Variants in TCF7L1 observed in about 807,000 individuals in gnomAD.
TCF7L1 encodes the protein transcription factor 7 like 1, also known as transcription factor 7-like 1.
A neutral mutation model predicts 63.7 loss-of-function variants in TCF7L1; 18 were observed. The ratio of observed to expected loss-of-function variants is 0.28; its 90% CI spans 0.20 to 0.42. The LOEUF is 0.42. Ranked by LOEUF, TCF7L1 falls within the 10% of genes least tolerant of loss-of-function variation. The pLI, the probability that TCF7L1 is intolerant of heterozygous loss-of-function variation, is 1.00. For synonymous variants in TCF7L1, 355 were observed against 340.9 expected, an observed-to-expected ratio of 1.04 and a Z score of -0.46; for missense variants, 654 against 779.3, an observed-to-expected ratio of 0.84 and a Z score of 1.91.
At chr2:85,184,748 T>C (rs944434857) in intron 3 of TCF7L1, among the ~76,000 whole-genome samples, 6 of 151,842 alleles carry the variant, frequency 4.0e-5, no homozygotes, top group African/African-American at 1.5e-4. Context: ...CCTGCTGATG[T>C]TCCCTGCCCT....
intron 3 of TCF7L1, among the ~76,000 whole-genome samples, chr2:85,185,527 C>T (rs975224271): frequency 7.9e-5 from 12 of 152,080 alleles, no homozygotes; most frequent in South Asian, 6.2e-4. Flanking sequence ...AGGAGCCAGC[C>T]GATAGTCTCA....
intron 4 of TCF7L1, among the ~76,000 whole-genome samples, chr2:85,286,635 A>T (rs1681565116): frequency 6.6e-6 from 1 of 152,146 alleles, no homozygotes; most frequent in African/African-American, 2.4e-5. Flanking sequence ...AGCTGGGATT[A>T]CAGGCATGTG....
chr2:85,234,153 T>TCC (rs1300211262), intron 3 of TCF7L1, among the ~76,000 whole-genome samples: 1 of 134,332 alleles, frequency 7.4e-6, no homozygotes, highest in African/African-American at 3.3e-5. Flanking sequence ...TTTTTTTTTT[T>TCC]CGAGATGGAG....
chr2:85,237,648 T>G (rs2104319792), intron 3 of TCF7L1, among the ~76,000 whole-genome samples: 1 of 151,594 alleles, frequency 6.6e-6, no homozygotes, highest in South Asian at 2.1e-4. Flanking sequence ...TACACATATA[T>G]TAACCCTGGG....
At chr2:85,294,130 G>T (rs371156910) in intron 4 of TCF7L1, among the ~76,000 whole-genome samples, 1 of 139,180 alleles carries the variant, frequency 7.2e-6, no homozygotes, top group Non-Finnish European at 1.5e-5. Context: ...TCCACTTCCC[G>T]GATTCACGCC....
intron 3 of TCF7L1, among the ~76,000 whole-genome samples, chr2:85,239,647 T>A (rs1321744186): frequency 6.6e-6 from 1 of 152,054 alleles, no homozygotes; most frequent in Non-Finnish European, 1.5e-5. Context: ...GTAGCCACAT[T>A]AAAAGAGAAT....
chr2:85,190,933 C>T (rs1249858669), intron 3 of TCF7L1, among the ~76,000 whole-genome samples: 4 of 152,104 alleles, frequency 2.6e-5, no homozygotes, highest in Non-Finnish European at 4.4e-5. Flanking sequence ...TCAGTGGAAA[C>T]GGGGGCTTAG....
At chr2:85,159,071 A>G (rs1160604706) in intron 3 of TCF7L1, among the ~76,000 whole-genome samples, 1 of 152,182 alleles carries the variant, frequency 6.6e-6, no homozygotes, top group Non-Finnish European at 1.5e-5. Context: ...AGGGCTTTGT[A>G]GCACCGTGGA....
At chr2:85,149,355 ACACT>A (rs1677957019) in intron 3 of TCF7L1, among the ~76,000 whole-genome samples, 1 of 152,010 alleles carries the variant, frequency 6.6e-6, no homozygotes, top group Non-Finnish European at 1.5e-5. Flanking sequence ...ATACACACAC[ACACT>A]AACTTTATAA....
chr2:85,159,045 G>A (rs539782512), intron 3 of TCF7L1, among the ~76,000 whole-genome samples: 71 of 152,324 alleles, frequency 4.7e-4, no homozygotes, highest in African/African-American at 1.2e-3. Context: ...AGCATAACCC[G>A]GCTTTGTGGT....
At chr2:85,142,874 A>G (rs1677779222) in intron 3 of TCF7L1, among the ~76,000 whole-genome samples, 1 of 152,230 alleles carries the variant, frequency 6.6e-6, no homozygotes, top group Non-Finnish European at 1.5e-5. Context: ...GGTGTTAGCA[A>G]TGCTCTGAGC....
At chr2:85,263,155 A>G (rs1325646689) in intron 3 of TCF7L1, among the ~76,000 whole-genome samples, 1 of 152,238 alleles carries the variant, frequency 6.6e-6, no homozygotes, top group African/African-American at 2.4e-5. Context: ...ACTTGGGGGC[A>G]TAAATAGTGA....
intron 3 of TCF7L1, among the ~76,000 whole-genome samples, chr2:85,210,559 C>A (rs918760504): frequency 6.6e-6 from 1 of 152,170 alleles, no homozygotes; most frequent in Non-Finnish European, 1.5e-5. Context: ...CAAGATTTGT[C>A]CAGGGGAGGA....
At chr2:85,278,160 C>T (rs138870564) in intron 3 of TCF7L1, among the ~76,000 whole-genome samples, 274 of 152,342 alleles carry the variant, frequency 1.8e-3, no homozygotes, top group African/African-American at 6.3e-3. Flanking sequence ...GGAAAGGGGG[C>T]TCTAGCTCTC....
chr2:85,179,154 C>T (rs1305766022), intron 3 of TCF7L1, among the ~76,000 whole-genome samples: 1 of 152,152 alleles, frequency 6.6e-6, no homozygotes, highest in Non-Finnish European at 1.5e-5. Context: ...GCCTTTATTG[C>T]CATGTTAAAA....
intron 4 of TCF7L1, among the ~76,000 whole-genome samples, chr2:85,300,984 C>T (rs1346744972): frequency 2.6e-5 from 4 of 151,974 alleles, no homozygotes; most frequent in African/African-American, 9.7e-5. Context: ...TTCACCATGT[C>T]GGCCAGGCTA....
intron 3 of TCF7L1, among the ~76,000 whole-genome samples, chr2:85,192,661 G>T (rs2583549): frequency 0.23 from 34,375 of 151,120 alleles, 4,621 homozygotes; most frequent in Non-Finnish European, 0.31. Context: ...GGGATTACAC[G>T]TGTGAGCCGT....
chr2:85,244,256 CT>C (rs767692146), intron 3 of TCF7L1, among the ~76,000 whole-genome samples: 43 of 152,124 alleles, frequency 2.8e-4, no homozygotes, highest in Non-Finnish European at 5.3e-4. Context: ...ATGATGAAGC[CT>C]TTTGACTGAG....
At chr2:85,225,734 T>A (rs532353870) in intron 3 of TCF7L1, among the ~76,000 whole-genome samples, 1 of 152,344 alleles carries the variant, frequency 6.6e-6, no homozygotes, top group South Asian at 2.1e-4. Context: ...CAGAGACAAT[T>A]TGACTTCCTC....
Sources: gnomAD v4.1 joint callset for allele counts (sites outside exome capture counted in the v4.1 genomes callset) on GRCh38, gnomAD v4.1.1 for gene constraint, MANE v1.5 for transcripts, NCBI Gene and HGNC (gene_info 2026-07-23, HGNC 2026-07-21) for gene names.